PINLYP: variants seen among roughly 807,000 people sequenced by gnomAD.
The protein encoded by PINLYP is phospholipase A2 inhibitor and LY6/PLAUR domain containing.
PINLYP carries 12 observed loss-of-function variants against 15.8 expected under a neutral mutation model. That is an observed-to-expected ratio of 0.76 (90% CI 0.49 to 1.23). The LOEUF is 1.23. PINLYP is among the 50% of genes most tolerant of loss of function. PINLYP has a pLI of 0.00. For synonymous variants in PINLYP, 93 were observed against 97.7 expected, an observed-to-expected ratio of 0.95 and a Z score of 0.28; for missense variants, 278 against 264.2, an observed-to-expected ratio of 1.05 and a Z score of -0.36.
At position 43,579,736 on chromosome 19, in the gene PINLYP, G is replaced by GAA. The variant is rs545927020; in HGVS notation, c.187+1046_187+1047dup. Among the ~76,000 whole-genome samples the GAA allele has an allele frequency of 2.0e-3, 219 of 108,810 alleles. 1 individual carries two copies. The highest frequency in any genetic ancestry group is 6.1e-3 in the African/African-American group (180 of 29,672). 71.4% of individuals were successfully genotyped at this position (108,810 alleles called of 152,430 possible). A position where few individuals can be genotyped will look rare whatever the true frequency, so the allele number is the denominator to read the frequency against. On this transcript the variant is annotated intron_variant, in intron 3 of 5. Coordinates refer to ENST00000599207, the Ensembl canonical transcript of PINLYP. ...CAACAAAAAGAGATCCATCTCTACA[G>GAA]AAAAAAAAAAAAAAAAATAGTTGCG...
In PINLYP at chr19:43,581,982, A is replaced by C. The variant is rs1442055109; in HGVS notation, c.596A>C (p.Glu199Ala). ...AATGTCCTCTTCCTCCATCATATAG[A>C]GTGCACTCACTCCCCCTGAAAAGCT... is the stretch of plus-strand genomic sequence containing the variant. The change falls in exon 6 of 6, where the codon GAG becomes GCG. Residue 199 changes from glutamate to alanine, a missense_variant. Coordinates refer to ENST00000599207, the Ensembl canonical transcript of PINLYP. The C allele has an allele frequency of 1.3e-6, 2 of 1,536,244 alleles. No homozygotes were observed. The highest frequency in any genetic ancestry group is 1.2e-5 in the South Asian group (1 of 84,058).
chr19:43,581,049 C>A, intron 3 of PINLYP, 163 bp from the exon 4 acceptor site: 1 of 863,684 alleles, frequency 1.2e-6, no homozygotes. Flanking sequence ...CCAGCCTGGG[C>A]AACTCCGTCT....
exon 1 of PINLYP, chr19:43,575,899 A>G (rs1972856374): frequency 6.5e-6 from 1 of 152,746 alleles, no homozygotes; most frequent in Admixed American, 6.6e-5. Flanking sequence ...TATTTATTTT[A>G]TTTTTTAAAA....
exon 4 of PINLYP, chr19:43,581,285 C>A: frequency 6.5e-7 from 1 of 1,537,120 alleles, no homozygotes; most frequent in Non-Finnish European, 8.7e-7. Context: ...TTATATCCAC[C>A]ACCATGGGCC....
exon 2 of PINLYP, chr19:43,577,198 C>A: frequency 6.5e-7 from 1 of 1,536,124 alleles, no homozygotes; most frequent in Non-Finnish European, 8.7e-7. Context: ...CACCATGAGG[C>A]TCTCCAGGAG....
exon 2 of PINLYP, chr19:43,577,215 G>A (rs1972876470): frequency 2.6e-6 from 4 of 1,536,006 alleles, no homozygotes; most frequent in Non-Finnish European, 2.6e-6. Context: ...GGAGACCAGA[G>A]ACCTTTCTGC....
chr19:43,577,091 G>A (rs1972874464), intron 1 of PINLYP, 24 bp from the exon 2 acceptor site: 1 of 1,533,508 alleles, frequency 6.5e-7, no homozygotes, highest in Non-Finnish European at 8.7e-7. Context: ...CCTGGGTTCT[G>A]ACCTCAGCTA....
chr19:43,581,412 C>G (rs1010950545), intron 4 of PINLYP, 48 bp downstream of exon 4: 1 of 1,532,182 alleles, frequency 6.5e-7, no homozygotes, highest in Non-Finnish European at 8.7e-7. Context: ...TCCACTGACC[C>G]TTGCTGTAGC....
At chr19:43,578,112 C>T (rs891356454) in intron 2 of PINLYP, among the ~76,000 whole-genome samples, 1 of 152,054 alleles carries the variant, frequency 6.6e-6, no homozygotes, top group Non-Finnish European at 1.5e-5. Context: ...GTCCTCTGCC[C>T]TCCTGGTCCT....
intron 2 of PINLYP, among the ~76,000 whole-genome samples, chr19:43,577,528 C>T (rs1972881341): frequency 6.6e-6 from 1 of 151,602 alleles, no homozygotes; most frequent in Non-Finnish European, 1.5e-5. Context: ...AGGAAGGATC[C>T]CAAACACATC....
chr19:43,576,449 T>C (rs894363404), exon 1 of PINLYP, among the ~76,000 whole-genome samples: 3 of 151,364 alleles, frequency 2.0e-5, no homozygotes, highest in African/African-American at 4.9e-5. Context: ...GTCCTAAATA[T>C]AACACAAAGC....
At chr19:43,579,055 G>A (rs942882867) in intron 3 of PINLYP, 7 of 296,158 alleles carry the variant, frequency 2.4e-5, no homozygotes, top group African/African-American at 1.3e-4. Flanking sequence ...CTGGCAGGAG[G>A]TGGAAATGGT....
intron 5 of PINLYP, 23 bp downstream of exon 5, chr19:43,581,726 G>T: frequency 6.5e-7 from 1 of 1,535,970 alleles, no homozygotes; most frequent in Non-Finnish European, 8.7e-7. Flanking sequence ...TGAATCTCTG[G>T]AAAAGGAAAC....
intron 3 of PINLYP, 117 bp from the exon 4 acceptor site, chr19:43,581,095 G>A (rs1185790872): frequency 1.8e-6 from 2 of 1,135,038 alleles, no homozygotes; most frequent in Non-Finnish European, 2.4e-6. Flanking sequence ...AAAAGAAAGA[G>A]ACCATCCCAG....
chr19:43,581,515 A>G (rs974401910), intron 4 of PINLYP, 48 bp from the exon 5 acceptor site: 50 of 1,512,484 alleles, frequency 3.3e-5, no homozygotes, highest in Non-Finnish European at 4.4e-5. Flanking sequence ...AGGTTGGGGG[A>G]ACGGCTTAAA....
At chr19:43,581,163 GC>G in intron 3 of PINLYP, 48 bp from the exon 4 acceptor site, 4 of 1,522,874 alleles carry the variant, frequency 2.6e-6, no homozygotes, top group Non-Finnish European at 3.5e-6. Flanking sequence ...AGGGGTTGAA[GC>G]CAGGGAGTGG....
exon 6 of PINLYP, chr19:43,581,894 C>T (rs976571857): frequency 2.0e-6 from 3 of 1,536,708 alleles, no homozygotes; most frequent in East Asian, 2.4e-5. Flanking sequence ...ATTTGCTATG[C>T]GGGGCTGTGC....
At chr19:43,582,069 C>A in exon 6 of PINLYP, 1 of 1,503,224 alleles carries the variant, frequency 6.7e-7, no homozygotes. Flanking sequence ...TGTAACTCCC[C>A]GTGTGCCTAT....
intron 5 of PINLYP, 62 bp downstream of exon 5, chr19:43,581,765 G>A (rs763531912): frequency 6.5e-6 from 10 of 1,533,928 alleles, no homozygotes; most frequent in African/African-American, 1.4e-5. Flanking sequence ...TTCTAGGTTC[G>A]ATGGGAGGAG....
Sources: allele counts gnomAD v4.1 joint callset (sites outside exome capture counted in the v4.1 genomes callset), GRCh38; gene constraint gnomAD v4.1.1; transcripts MANE v1.5; gene names NCBI Gene and HGNC (gene_info 2026-07-23, HGNC 2026-07-21).